Variants in SI observed in about 807,000 individuals in gnomAD.
SI encodes sucrase-isomaltase, intestinal.
In SI, 235 loss-of-function variants were observed where a neutral mutation model predicts 253.3. The observed-to-expected ratio is 0.93, with a 90% CI of 0.83 to 1.03. The LOEUF (loss-of-function observed/expected upper bound fraction) is 1.03. Ranked by LOEUF, SI falls within the 50% of genes least tolerant of loss-of-function variation. The probability of loss-of-function intolerance (pLI) is 0.00; values close to 1 mark genes in which losing one functional copy is unlikely to be tolerated. For missense variants in SI, 2,442 were observed against 2,211.1 expected (o/e 1.10, Z -2.09); for synonymous variants, 819 against 712.0 (o/e 1.15, Z -2.39).
At chr3:165,054,648 C>G (rs533672017) in intron 13 of SI, among the ~76,000 whole-genome samples, 2 of 152,130 alleles carry the variant, frequency 1.3e-5, no homozygotes, top group African/African-American at 4.8e-5. Context: ...AGCCATCACA[C>G]AAGACTGTAT....
chr3:164,994,270 G>A lies in SI; in HGVS notation c.4828C>T (p.Pro1610Ser), dbSNP rs1304659476. 2 of 1,610,622 alleles carry A rather than the reference G, an allele frequency of 1.2e-6. No individual in the cohort carries two copies. Among genetic ancestry groups the A allele is most frequent in the Non-Finnish European group, 1.7e-6 (2 of 1,177,778 alleles). Residue 1610 changes from proline (P) to serine (S), a missense_variant, in exon 41 of 48, where the codon CCC becomes TCC. Coordinates refer to ENST00000264382, the MANE Select transcript of SI (RefSeq NM_001041.4). Reference protein sequence around the residue: ...IHANGGTVIRPLLHEFFDEKP... With the variant: ...IHANGGTVIRSLLHEFFDEKP... ...CTTTGTACTTACTCATGCAAAAGGG[G>A]TCGGATAACAGTGCCACCATTAGCA...
rs752540924 is a variant in SI, at chr3:164,992,196, C to A, written c.4964G>T (p.Arg1655Leu). 3 of 1,611,334 alleles carry A rather than the reference C, an allele frequency of 1.9e-6. No homozygotes were observed. The highest frequency in any genetic ancestry group is 2.5e-6 in the Non-Finnish European group (3 of 1,179,122). Reference sequence around the variant, plus strand: ...ACTTACTGTATGGTAGTCAAACCACCGAGCATTGGGGACGTAGGCATTTAC... The same window carrying A: ...ACTTACTGTATGGTAGTCAAACCACAGAGCATTGGGGACGTAGGCATTTAC... ...QTVNAYVPNARWFDYHTGKDI... is the reference protein window; with the variant it reads ...QTVNAYVPNALWFDYHTGKDI... The change falls in exon 43 of 48, where the codon CGG becomes CTG. Residue 1655 changes from arginine (R) to leucine (L), a missense_variant. Physicochemically the swap from Arg to Leu is moderately radical, Grantham distance 102 (BLOSUM62 -2). Coordinates refer to ENST00000264382, the MANE Select transcript of SI (RefSeq NM_001041.4).
At chr3:164,980,949 G>A (rs1717157954) in intron 47 of SI, among the ~76,000 whole-genome samples, 1 of 151,924 alleles carries the variant, frequency 6.6e-6, no homozygotes. Flanking sequence ...GTGCAAAAAA[G>A]TGATTTCTAA....
intron 9 of SI, among the ~76,000 whole-genome samples, chr3:165,061,686 G>T (rs1427370897): frequency 6.6e-6 from 1 of 151,780 alleles, no homozygotes; most frequent in East Asian, 1.9e-4. Flanking sequence ...GTAACACCAG[G>T]AATCATATAT....
rs1018752692 is a variant in SI, at chr3:165,062,209, G to GA, written c.1020+161dup. Among the ~76,000 whole-genome samples the GA allele has an allele frequency of 3.6e-3, 520 of 144,726 alleles. 3 individuals carry two copies. The highest frequency in any genetic ancestry group is 0.012 in the African/African-American group (458 of 39,668). The allele number at this position is 144,726 out of a possible 152,430, so 94.9% of individuals were successfully genotyped here. On this transcript the variant is annotated intron_variant, in intron 9 of 47. Coordinates refer to ENST00000264382, the MANE Select transcript of SI (RefSeq NM_001041.4). ...TATATGTAGAGTTCATTGTATAGGG[G>GA]AAAAAAAAAACACCCAGCTGCATCT...
chr3:165,007,604 T>C (rs1249177177), intron 36 of SI, among the ~76,000 whole-genome samples: 12 of 151,794 alleles, frequency 7.9e-5, no homozygotes, highest in Admixed American at 7.9e-4. Flanking sequence ...AAATAACAAC[T>C]TCAAACAAAT....
chr3:165,055,412 C>T (rs1426124609), intron 12 of SI, 105 bp from the exon 13 acceptor site: 1 of 690,472 alleles, frequency 1.4e-6, no homozygotes, highest in Non-Finnish European at 2.5e-6. Flanking sequence ...TAAAGTTATT[C>T]TACTTCTTTA....
intron 25 of SI, among the ~76,000 whole-genome samples, chr3:165,025,283 C>T (rs572100882): frequency 1.9e-4 from 29 of 151,034 alleles, no homozygotes; most frequent in Admixed American, 1.5e-3. Flanking sequence ...TGAATTAACT[C>T]AATCCAATAA....
At chr3:165,087,160 A>AT in the SI span, among the ~76,000 whole-genome samples, 1 of 151,650 alleles carries the variant, frequency 6.6e-6, no homozygotes, top group Non-Finnish European at 1.5e-5. Flanking sequence ...AACAAACAAA[A>AT]AACTGTCTTG....
At chr3:164,996,924 C>A in intron 38 of SI, 152 bp from the exon 39 acceptor site, 1 of 466,590 alleles carries the variant, frequency 2.1e-6, no homozygotes, top group South Asian at 3.2e-5. Flanking sequence ...TCTCATAATG[C>A]TTCTCATAAT....
intron 37 of SI, among the ~76,000 whole-genome samples, chr3:165,002,467 AAGTG>A (rs1718300065): frequency 6.6e-6 from 1 of 151,748 alleles, no homozygotes; most frequent in African/African-American, 2.4e-5. Flanking sequence ...GTTTCATGTT[AAGTG>A]AAAGAACACA....
chr3:165,000,322 A>G (rs1284148004), intron 37 of SI, among the ~76,000 whole-genome samples: 3 of 151,058 alleles, frequency 2.0e-5, no homozygotes, highest in Admixed American at 6.6e-5. Context: ...AGGATTCTAC[A>G]TAAAGTAGTT....
At chr3:165,008,081 T>C in intron 35 of SI, 83 bp from the exon 36 acceptor site, 2 of 720,254 alleles carry the variant, frequency 2.8e-6, no homozygotes, top group Non-Finnish European at 5.0e-6. Context: ...AAAAAGTAAG[T>C]AGGTTAACAT....
At chr3:165,063,969 C>T (rs951010490) in intron 7 of SI, among the ~76,000 whole-genome samples, 72 of 151,324 alleles carry the variant, frequency 4.8e-4, no homozygotes, top group African/African-American at 1.7e-3. Flanking sequence ...ACTCAGGAGG[C>T]TCAGGCAGGA....
chr3:165,051,487 A>C (rs1713426308), intron 13 of SI, among the ~76,000 whole-genome samples: 1 of 152,050 alleles, frequency 6.6e-6, no homozygotes. Flanking sequence ...TCCTGTGTCC[A>C]GTAGAAATTA....
At position 164,994,271 on chromosome 3, in the gene SI, T is replaced by G. The variant is rs1466560924; in HGVS notation, c.4827A>C (p.Arg1609=). ...TTTGTACTTACTCATGCAAAAGGGG[T>G]CGGATAACAGTGCCACCATTAGCAT... ...EIHANGGTVI[R]PLLHEFFDEK... is the part of the protein sequence containing the mutation. The change falls in exon 41 of 48, where the codon CGA becomes CGC. Residue 1609 remains arginine (R), a synonymous_variant. Coordinates refer to ENST00000264382, the MANE Select transcript of SI (RefSeq NM_001041.4). The G allele has an allele frequency of 6.2e-7, 1 of 1,610,718 alleles. No individual in the cohort carries two copies. The highest frequency in any genetic ancestry group is 1.3e-5 in the African/African-American group (1 of 74,846).
At chr3:165,005,029 C>G (rs1431664204) in intron 37 of SI, among the ~76,000 whole-genome samples, 1 of 152,100 alleles carries the variant, frequency 6.6e-6, no homozygotes, top group Non-Finnish European at 1.5e-5. Flanking sequence ...CTATCTCTGT[C>G]TCCTAAAGTC....
At position 165,065,482 on chromosome 3, in the gene SI, T is replaced by G. The variant is rs565886924; in HGVS notation, c.636-50A>C. ...ATAATCTAATATATATATATATATA[T>G]ATATATATATATGATATTCTACCAG... is the stretch of plus-strand genomic sequence containing the variant. On this transcript the variant is annotated intron_variant, in intron 6 of 47. Transcript: ENST00000264382. 267 of 275,154 alleles carry G rather than the reference T, an allele frequency of 9.7e-4. 38 individuals carry two copies. In the Middle Eastern group the frequency reaches 0.017, roughly 17 times the overall value. The allele number at this position is 275,154 out of a possible 1,614,324, so 17.0% of individuals were successfully genotyped here.
chr3:165,046,778 G>A, intron 16 of SI, 63 bp downstream of exon 16: 1 of 1,293,360 alleles, frequency 7.7e-7, no homozygotes, highest in South Asian at 1.2e-5. Flanking sequence ...AATTAATTAA[G>A]ATTACATTAA....
Sources: gnomAD v4.1 joint callset for allele counts (sites outside exome capture counted in the v4.1 genomes callset) on GRCh38, gnomAD v4.1.1 for gene constraint, MANE v1.5 for transcripts, NCBI Gene and HGNC (gene_info 2026-07-23, HGNC 2026-07-21) for gene names.